Variants in COL22A1 observed in about 807,000 individuals in gnomAD.
COL22A1 encodes the protein collagen type XXII alpha 1 chain.
COL22A1 carries 221 observed loss-of-function variants against 248.9 expected under a neutral mutation model. The observed-to-expected ratio is 0.89, with a 90% CI of 0.80 to 0.99. The LOEUF (loss-of-function observed/expected upper bound fraction) is 0.99. Among genes scored for constraint, COL22A1 ranks in the 50% least tolerant of loss-of-function variants. The pLI, the probability that COL22A1 is intolerant of heterozygous loss-of-function variation, is 0.00. For synonymous variants in COL22A1, 891 were observed against 793.4 expected, an observed-to-expected ratio of 1.12 and a Z score of -2.07; for missense variants, 2,240 against 2,179.0, an observed-to-expected ratio of 1.03 and a Z score of -0.56.
chr8:138,878,570 C>T (rs1027208577), intron 2 of COL22A1, among the ~76,000 whole-genome samples: 2 of 152,178 alleles, frequency 1.3e-5, no homozygotes, highest in African/African-American at 2.4e-5. Flanking sequence ...ATTAAAATGA[C>T]TAACACCCAC....
intron 50 of COL22A1, 102 bp from the exon 51 acceptor site, chr8:138,626,345 G>T: frequency 2.1e-6 from 2 of 938,174 alleles, no homozygotes; most frequent in East Asian, 2.5e-5. Context: ...GGGAGTGAGT[G>T]TTTGGTGAGA....
intron 21 of COL22A1, among the ~76,000 whole-genome samples, chr8:138,753,391 C>T (rs536287540): frequency 9.1e-4 from 139 of 152,242 alleles, no homozygotes; most frequent in African/African-American, 3.1e-3. Context: ...TTGAACACTC[C>T]GAAGGGAATC....
intron 10 of COL22A1, among the ~76,000 whole-genome samples, chr8:138,805,178 TGGTGTGTGTGTGTG>T: frequency 8.1e-6 from 1 of 122,948 alleles, no homozygotes; most frequent in Non-Finnish European, 1.6e-5. Flanking sequence ...TGTGTGTGTG[TGGTGTGTGTGTGTG>T]ATTGGGTGTG....
At chr8:138,778,711 T>C (rs1240473074) in intron 14 of COL22A1, among the ~76,000 whole-genome samples, 1 of 152,230 alleles carries the variant, frequency 6.6e-6, no homozygotes, top group Admixed American at 6.5e-5. Flanking sequence ...GATGCTACTA[T>C]TCCATTTCAC....
rs58378528 is a variant in COL22A1 at position 138,775,716 on chromosome 8, C to T, written c.1803+250G>A. On this transcript the variant is annotated intron_variant, in intron 16 of 64. Coordinates refer to ENST00000303045, the MANE Select transcript of COL22A1 (RefSeq NM_152888.3). ...GCCTTGGTGCAGAGGATGACAATAC[C>T]TGCAGGTACTGAGACCACAGCCTTC... Among the ~76,000 whole-genome samples the T allele has an allele frequency of 9.4e-3, 1,434 of 152,268 alleles. 30 individuals carry two copies. The highest frequency in any genetic ancestry group is 0.032 in the African/African-American group (1,330 of 41,528).
intron 10 of COL22A1, among the ~76,000 whole-genome samples, chr8:138,805,589 A>T (rs1437119356): frequency 1.1e-5 from 1 of 89,316 alleles, no homozygotes; most frequent in Non-Finnish European, 2.3e-5. Flanking sequence ...GTGTGATGGT[A>T]TGTGTTTGTG....
intron 19 of COL22A1, 128 bp from the exon 20 acceptor site, chr8:138,755,639 G>C: frequency 7.5e-7 from 1 of 1,339,560 alleles, no homozygotes; most frequent in Non-Finnish European, 1.1e-6. Flanking sequence ...ACTTTTCTCT[G>C]ATTCTGCCCC....
chr8:138,844,443 C>G (rs534663832), intron 3 of COL22A1, among the ~76,000 whole-genome samples: 2 of 152,188 alleles, frequency 1.3e-5, no homozygotes, highest in Admixed American at 1.3e-4. Context: ...TCCGAGGGAG[C>G]CAGACACGGA....
Position 138,707,722 on chromosome 8 carries a change from G to A in COL22A1, c.2518-4375C>T, listed in dbSNP as rs190440424. Among the ~76,000 whole-genome samples the A allele has an allele frequency of 9.6e-3, 1,460 of 152,222 alleles. 23 individuals carry two copies. Among genetic ancestry groups the A allele is most frequent in the African/African-American group, 0.03 (1,261 of 41,526 alleles). ...CTGGAAGCACTCCCTTTGAAAACTG[G>A]CACAAGATAGGGATGCCCTCTCTCA... is the stretch of plus-strand genomic sequence containing the variant. On this transcript the variant is annotated intron_variant, in intron 30 of 64. Coordinates refer to ENST00000303045, the MANE Select transcript of COL22A1 (RefSeq NM_152888.3).
intron 3 of COL22A1, among the ~76,000 whole-genome samples, chr8:138,862,105 C>T (rs1431360069): frequency 1.3e-5 from 2 of 151,400 alleles, no homozygotes; most frequent in Non-Finnish European, 2.9e-5. Context: ...GTAGTCCCAG[C>T]CACTCGGGAG....
At chr8:138,691,085 T>C (rs182569799) in intron 35 of COL22A1, among the ~76,000 whole-genome samples, 1 of 151,804 alleles carries the variant, frequency 6.6e-6, no homozygotes, top group East Asian at 1.9e-4. Flanking sequence ...GGCACAGAGG[T>C]GAAAGGCAGG....
intron 4 of COL22A1, among the ~76,000 whole-genome samples, chr8:138,834,398 G>A (rs1226716473): frequency 6.6e-6 from 1 of 150,802 alleles, no homozygotes; most frequent in East Asian, 1.9e-4. Flanking sequence ...AATGATTAAA[G>A]CCTCTTAGCC....
At chr8:138,812,380 C>T (rs2131702124) in intron 8 of COL22A1, among the ~76,000 whole-genome samples, 1 of 152,330 alleles carries the variant, frequency 6.6e-6, no homozygotes, top group Non-Finnish European at 1.5e-5. Flanking sequence ...TCTCACCCTG[C>T]AGCCCGGGAA....
chr8:138,626,602 C>A (rs1820259905), intron 50 of COL22A1, among the ~76,000 whole-genome samples: 1 of 152,184 alleles, frequency 6.6e-6, no homozygotes, highest in Non-Finnish European at 1.5e-5. Context: ...CCCAGACTTC[C>A]TGAAATTCAC....
chr8:138,869,083 T>C (rs1823121802), intron 3 of COL22A1, among the ~76,000 whole-genome samples: 1 of 152,262 alleles, frequency 6.6e-6, no homozygotes, highest in East Asian at 1.9e-4. Flanking sequence ...GTTACATAAC[T>C]GTCCTAAGGT....
In COL22A1 at chr8:138,598,787, G is replaced by A. The variant is rs1330561155; in HGVS notation, c.4297C>T (p.Leu1433=). The change falls in exon 61 of 65, where the codon CTA becomes TTA. Residue 1433 remains leucine (L), a synonymous_variant. Coordinates refer to ENST00000303045, the MANE Select transcript of COL22A1 (RefSeq NM_152888.3). Reference sequence around the variant, plus strand: ...CCAACTGGTCCATTCTCCCCAGGTAGTCCTTGGGGACCCATCAGGCCTGTG... The same window carrying A: ...CCAACTGGTCCATTCTCCCCAGGTAATCCTTGGGGACCCATCAGGCCTGTG... ...GHTGLMGPQG[L]PGENGPVGPP... is the part of the protein sequence containing the mutation. 2 of 1,614,106 alleles carry A rather than the reference G, an allele frequency of 1.2e-6. No homozygotes were observed. The highest frequency in any genetic ancestry group is 8.5e-7 in the Non-Finnish European group (1 of 1,179,974).
chr8:138,724,560 C>A (rs149082060), intron 25 of COL22A1, 55 bp downstream of exon 25: 5 of 1,546,990 alleles, frequency 3.2e-6, no homozygotes, highest in African/African-American at 1.4e-5. Flanking sequence ...AGTGCTCCCC[C>A]CAGAGCAATG....
chr8:138,883,320 A>G, intron 1 of COL22A1, 76 bp from the exon 2 acceptor site: 1 of 782,394 alleles, frequency 1.3e-6, no homozygotes, highest in Non-Finnish European at 2.0e-6. Flanking sequence ...GGCCCTGCCC[A>G]GGGGGATTCC....
At chr8:138,721,604 T>C (rs1829875795) in intron 26 of COL22A1, among the ~76,000 whole-genome samples, 1 of 124,392 alleles carries the variant, frequency 8.0e-6, no homozygotes, top group Non-Finnish European at 1.7e-5. Flanking sequence ...CAGATCAAAT[T>C]TTTTTTTTGA....
Sources: allele counts gnomAD v4.1 joint callset (sites outside exome capture counted in the v4.1 genomes callset), GRCh38; gene constraint gnomAD v4.1.1; transcripts MANE v1.5; gene names NCBI Gene and HGNC (gene_info 2026-07-23, HGNC 2026-07-21).